The following HADHB variants were observed in gnomAD, a reference collection of about 807,000 sequenced individuals.
The protein encoded by HADHB is trifunctional enzyme subunit beta, mitochondrial.
Under a neutral mutation model 61.9 loss-of-function variants are expected in HADHB, and 50 were observed. The observed-to-expected ratio is 0.81, with a 90% CI of 0.64 to 1.02. The LOEUF (loss-of-function observed/expected upper bound fraction) is 1.02, where lower values mean the gene tolerates loss of function less well. Ranked by LOEUF, HADHB falls within the 50% of genes least tolerant of loss-of-function variation. HADHB has a pLI of 0.00. For synonymous variants in HADHB, 191 were observed against 201.6 expected, an observed-to-expected ratio of 0.95 and a Z score of 0.45; for missense variants, 504 against 586.5, an observed-to-expected ratio of 0.86 and a Z score of 1.45.
intron 8 of HADHB, 64 bp from the exon 9 acceptor site, chr2:26,279,071 A>T (rs763511216): frequency 7.8e-6 from 10 of 1,285,556 alleles, no homozygotes; most frequent in Non-Finnish European, 1.0e-5. Flanking sequence ...ACACAGAACA[A>T]TCCTAGGTGT....
Position 26,278,699 on chromosome 2 carries a change from A to T in HADHB, c.528A>T (p.Ser176=). ...ELMSDVPIRH[S]RKMRKLMLDL... is the part of the protein sequence containing the mutation. ...TGTCCGATGTCCCTATTCGTCACTC[A>T]AGGAAAATGAGAAAACTGATGCTTG... Residue 176 remains serine (S), a synonymous_variant, in exon 8 of 16, where the codon TCA becomes TCT. Coordinates refer to ENST00000317799, the MANE Select transcript of HADHB (RefSeq NM_000183.3). 6.2e-7 allele frequency: 1 copy of T among 1,614,026 alleles called. No homozygotes were observed. Among genetic ancestry groups the T allele is most frequent in the African/African-American group, 1.3e-5 (1 of 75,040 alleles).
intron 14 of HADHB, 98 bp from the exon 15 acceptor site, chr2:26,285,309 A>C: frequency 2.0e-6 from 2 of 1,021,880 alleles, no homozygotes; most frequent in Non-Finnish European, 1.5e-6. Flanking sequence ...GACGTTACGT[A>C]TTTTCCTCTA....
At chr2:26,253,313 A>C (rs2147799551) in intron 1 of HADHB, among the ~76,000 whole-genome samples, 1 of 152,328 alleles carries the variant, frequency 6.6e-6, no homozygotes, top group East Asian at 1.9e-4. Context: ...TTGCAAGTGC[A>C]GTACTACAAA....
intron 3 of HADHB, among the ~76,000 whole-genome samples, chr2:26,256,733 A>C (rs978586335): frequency 6.6e-6 from 1 of 152,200 alleles, no homozygotes; most frequent in African/African-American, 2.4e-5. Context: ...ATCGTGGCAG[A>C]GTAGGCCTAC....
intron 15 of HADHB, among the ~76,000 whole-genome samples, chr2:26,288,652 T>G (rs982469327): frequency 3.9e-5 from 6 of 151,948 alleles, no homozygotes; most frequent in Admixed American, 3.9e-4. Context: ...GAGGCTGCAG[T>G]GAGCCGTGTT....
At chr2:26,278,913 T>C in intron 8 of HADHB, 112 bp downstream of exon 8, 3 of 1,050,452 alleles carry the variant, frequency 2.9e-6, no homozygotes, top group Non-Finnish European at 4.5e-6. Context: ...AGGAAAGGGT[T>C]AATTACTTGC....
At chr2:26,246,482 A>G (rs1400566219) in intron 1 of HADHB, among the ~76,000 whole-genome samples, 1 of 151,626 alleles carries the variant, frequency 6.6e-6, no homozygotes, top group Non-Finnish European at 1.5e-5. Flanking sequence ...TGGGATTACA[A>G]GCGCACACCA....
chr2:26,286,556 G>T (rs1030615292), intron 15 of HADHB, among the ~76,000 whole-genome samples: 1 of 152,068 alleles, frequency 6.6e-6, no homozygotes, highest in Non-Finnish European at 1.5e-5. Context: ...AGGCTGGAGT[G>T]CAGTGGTGCC....
intron 1 of HADHB, among the ~76,000 whole-genome samples, chr2:26,250,732 G>A (rs1671365396): frequency 6.6e-6 from 1 of 151,490 alleles, no homozygotes; most frequent in Non-Finnish European, 1.5e-5. Flanking sequence ...GAAGCAGGAG[G>A]ATCCCTTGAG....
intron 3 of HADHB, among the ~76,000 whole-genome samples, chr2:26,259,210 T>C (rs368234670): frequency 5.3e-5 from 8 of 152,276 alleles, no homozygotes; most frequent in African/African-American, 1.9e-4. Context: ...GCCGGGTCTG[T>C]CCCACAGACC....
chr2:26,249,632 G>A (rs773935082), intron 1 of HADHB, among the ~76,000 whole-genome samples: 1 of 151,748 alleles, frequency 6.6e-6, no homozygotes, highest in Admixed American at 6.6e-5. Context: ...TCTCAGCTCC[G>A]TACTCTTCTG....
At chr2:26,256,628 C>T (rs1671624460) in intron 3 of HADHB, among the ~76,000 whole-genome samples, 1 of 151,834 alleles carries the variant, frequency 6.6e-6, no homozygotes, top group Non-Finnish European at 1.5e-5. Flanking sequence ...AAAGAGTATA[C>T]AATGTATATC....
chr2:26,265,315 G>T (rs1398768846), intron 4 of HADHB, among the ~76,000 whole-genome samples: 1 of 152,168 alleles, frequency 6.6e-6, no homozygotes, highest in Non-Finnish European at 1.5e-5. Flanking sequence ...ATACAAACAG[G>T]CCAGGTTCAG....
At chr2:26,262,075 A>G (rs1419824405) in intron 3 of HADHB, among the ~76,000 whole-genome samples, 1 of 152,156 alleles carries the variant, frequency 6.6e-6, no homozygotes, top group Non-Finnish European at 1.5e-5. Context: ...GAATGCTGCC[A>G]GCGTCATCTT....
At chr2:26,258,777 C>T (rs1413851609) in intron 3 of HADHB, among the ~76,000 whole-genome samples, 1 of 152,150 alleles carries the variant, frequency 6.6e-6, no homozygotes, top group Non-Finnish European at 1.5e-5. Flanking sequence ...GGTTTATATC[C>T]CAATCATTGT....
At position 26,277,091 on chromosome 2, in the gene HADHB, T is replaced by C; in HGVS notation, c.373T>C (p.Phe125Leu). Reference protein sequence around the residue: ...VAREAALGAGFSDKTPAHTVT... With the variant: ...VAREAALGAGLSDKTPAHTVT... The stretch of plus-strand genomic sequence containing the variant: ...CCTAAAGGCTGCCCTTGGAGCTGGC[T>C]TCTCTGACAAGACTCCTGCTCACAC... Residue 125 changes from phenylalanine (F) to leucine (L), a missense_variant, in exon 7 of 16, where the codon TTC becomes CTC. Physicochemically the swap from Phe to Leu is conservative, Grantham distance 22. Transcript: ENST00000317799. The C allele has an allele frequency of 1.3e-6, 2 of 1,597,908 alleles. No homozygotes were observed. Among genetic ancestry groups the C allele is most frequent in the South Asian group, 1.1e-5 (1 of 90,752 alleles).
chr2:26,285,204 C>T (rs944466239), intron 14 of HADHB, among the ~76,000 whole-genome samples: 1 of 152,012 alleles, frequency 6.6e-6, no homozygotes, highest in Non-Finnish European at 1.5e-5. Context: ...TTGTTCCTTG[C>T]ATTCTGACAT....
chr2:26,288,716 A>AAG (rs879503340), intron 15 of HADHB, among the ~76,000 whole-genome samples: 1 of 152,052 alleles, frequency 6.6e-6, no homozygotes, highest in African/African-American at 2.4e-5. Flanking sequence ...TTCAAAAAAA[A>AAG]CAGAAAAACC....
chr2:26,261,096 C>G, intron 3 of HADHB: 1 of 1,069,290 alleles, frequency 9.4e-7, no homozygotes, highest in Non-Finnish European at 1.4e-6. Context: ...ATCTAATCAG[C>G]TTTTATATTG....
Sources: gnomAD v4.1 joint callset for allele counts (sites outside exome capture counted in the v4.1 genomes callset) on GRCh38, gnomAD v4.1.1 for gene constraint, MANE v1.5 for transcripts, NCBI Gene and HGNC (gene_info 2026-07-23, HGNC 2026-07-21) for gene names.